ATP2C1: variants seen among roughly 807,000 people sequenced by gnomAD.
The protein encoded by ATP2C1 is calcium-transporting ATPase type 2C member 1.
A neutral mutation model predicts 120.5 loss-of-function variants in ATP2C1; 31 were observed. The ratio of observed to expected loss-of-function variants is 0.26; its 90% confidence interval spans 0.19 to 0.35. The LOEUF is 0.35. Among genes scored for constraint, ATP2C1 ranks in the 10% least tolerant of loss-of-function variants. ATP2C1 has a pLI of 1.00. For synonymous variants in ATP2C1, 351 were observed against 358.7 expected, an observed-to-expected ratio of 0.98 and a Z score of 0.24; for missense variants, 731 against 1,107.5, an observed-to-expected ratio of 0.66 and a Z score of 4.83.
chr3:130,940,744 A>G lies in ATP2C1; in HGVS notation c.422+53A>G. 3 of 1,288,206 alleles carry G rather than the reference A, an allele frequency of 2.3e-6. No homozygotes were observed. In the Admixed American group the frequency reaches 5.1e-5, roughly 22 times the overall value. 79.8% of individuals were successfully genotyped at this position (1,288,206 alleles called of 1,614,324 possible). On this transcript the variant is annotated intron_variant, in intron 7 of 27. Transcript: ENST00000510168. ...CTGCCCCTTTAAAAATAGAAGTTGA[A>G]TGTGACTAGTACCGTACATATTGTT... is the stretch of plus-strand genomic sequence containing the variant.
At chr3:130,859,742 T>C (rs1339679078) in intron 1 of ATP2C1, among the ~76,000 whole-genome samples, 1 of 152,132 alleles carries the variant, frequency 6.6e-6, no homozygotes, top group African/African-American at 2.4e-5. Flanking sequence ...AATCCCTTCA[T>C]TTACTTTAAA....
At chr3:130,927,504 G>T (rs1478833234) in intron 2 of ATP2C1, among the ~76,000 whole-genome samples, 4 of 152,132 alleles carry the variant, frequency 2.6e-5, no homozygotes, top group African/African-American at 9.7e-5. Flanking sequence ...GCCTCCCAAA[G>T]TGCTGGGATT....
intron 20 of ATP2C1, among the ~76,000 whole-genome samples, chr3:130,984,651 A>C (rs1452611183): frequency 6.6e-6 from 1 of 152,212 alleles, no homozygotes; most frequent in Non-Finnish European, 1.5e-5. Flanking sequence ...TGTAATCTCT[A>C]ATGTTGAAAT....
At chr3:130,955,140 T>G in intron 10 of ATP2C1, 60 bp downstream of exon 10, 1 of 1,137,060 alleles carries the variant, frequency 8.8e-7, no homozygotes, top group Non-Finnish European at 1.3e-6. Context: ...TCATTGTAAG[T>G]AGAGAATGTT....
chr3:130,900,216 C>G (rs2070037181), intron 2 of ATP2C1, among the ~76,000 whole-genome samples: 1 of 152,002 alleles, frequency 6.6e-6, no homozygotes, highest in African/African-American at 2.4e-5. Flanking sequence ...GCACACATCA[C>G]TATACCCAGC....
chr3:130,856,690 A>G (rs565150402), intron 1 of ATP2C1, among the ~76,000 whole-genome samples: 5 of 152,298 alleles, frequency 3.3e-5, no homozygotes, highest in African/African-American at 1.2e-4. Flanking sequence ...TTTTGGATAC[A>G]GACAAAGCTC....
chr3:130,904,021 G>A (rs1038653169), intron 2 of ATP2C1, among the ~76,000 whole-genome samples: 2 of 151,962 alleles, frequency 1.3e-5, no homozygotes, highest in Non-Finnish European at 1.5e-5. Flanking sequence ...GTAGTTAACT[G>A]TTGGATGCAA....
At chr3:130,941,353 TCAAA>T (rs1000993693) in intron 7 of ATP2C1, among the ~76,000 whole-genome samples, 2 of 152,056 alleles carry the variant, frequency 1.3e-5, no homozygotes, top group Non-Finnish European at 2.9e-5. Context: ...TGATTCACAA[TCAAA>T]CAGACCCAGG....
intron 1 of ATP2C1, among the ~76,000 whole-genome samples, chr3:130,860,511 G>A (rs977230890): frequency 2.0e-5 from 3 of 152,196 alleles, no homozygotes; most frequent in Non-Finnish European, 4.4e-5. Context: ...TTGACAAGGT[G>A]CTTTACGTAT....
chr3:131,000,205 G>A (rs852230), intron 27 of ATP2C1, among the ~76,000 whole-genome samples: 133,435 of 152,168 alleles, frequency 0.88, 59,141 homozygotes, highest in Non-Finnish European at 0.95. Flanking sequence ...TAGTTTTCCT[G>A]TGTAGGTGTG....
chr3:131,001,177 A>G (rs2062871398), intron 27 of ATP2C1, 43 bp from the exon 28 acceptor site: 2 of 1,531,850 alleles, frequency 1.3e-6, no homozygotes, highest in Middle Eastern at 1.7e-4. Context: ...TTGCAACTGT[A>G]AGTTTCAAAG....
At position 130,979,178 on chromosome 3, in the gene ATP2C1, T is replaced by G. The variant is rs79092362; in HGVS notation, c.1571-71T>G. The stretch of plus-strand genomic sequence containing the variant: ...AAGAAGTGTTACTGTCTCCAATTTC[T>G]ATCAACTAAATTCTGATGTTTTCAT... On this transcript the variant is annotated intron_variant, in intron 18 of 27. Coordinates refer to ENST00000510168, the MANE Select transcript of ATP2C1 (RefSeq NM_001378687.1). 2.0e-6 allele frequency: 3 copies of G among 1,467,326 alleles called. No individual in the cohort carries two copies. In the African/African-American group the frequency reaches 4.2e-5, roughly 20 times the overall value. The allele number at this position is 1,467,326 out of a possible 1,614,324, so 90.9% of individuals were successfully genotyped here.
intron 8 of ATP2C1, among the ~76,000 whole-genome samples, chr3:130,951,041 C>G (rs923656045): frequency 6.6e-5 from 10 of 152,130 alleles, no homozygotes; most frequent in African/African-American, 1.9e-4. Flanking sequence ...TAGTGGGTCT[C>G]TTTCCTAATT....
chr3:130,887,191 C>G (rs989093194), intron 1 of ATP2C1, among the ~76,000 whole-genome samples: 1 of 152,174 alleles, frequency 6.6e-6, no homozygotes, highest in Non-Finnish European at 1.5e-5. Context: ...AATGAAGTCT[C>G]TCTGTGCTGA....
In ATP2C1 at chr3:131,002,493, C is replaced by T. The variant is rs923092784; in HGVS notation, c.*1143C>T. The T allele has an allele frequency of 2.3e-5, 23 of 985,048 alleles. No homozygotes were observed. Among genetic ancestry groups the T allele is most frequent in the Non-Finnish European group, 2.8e-5 (23 of 829,878 alleles). The allele number at this position is 985,048 out of a possible 1,614,324, so 61.0% of individuals were successfully genotyped here. Reference sequence around the variant, plus strand: ...TTCTACTTTCATCATGTGTTCTGTACCTTCTTTTTGTTTCATTGGGCATGC... The same window carrying T: ...TTCTACTTTCATCATGTGTTCTGTATCTTCTTTTTGTTTCATTGGGCATGC... On this transcript the variant is annotated 3_prime_UTR_variant, in exon 28 of 28. Coordinates refer to ENST00000510168, the MANE Select transcript of ATP2C1 (RefSeq NM_001378687.1).
intron 1 of ATP2C1, among the ~76,000 whole-genome samples, chr3:130,880,606 C>A (rs1001537048): frequency 6.6e-6 from 1 of 152,198 alleles, no homozygotes; most frequent in Non-Finnish European, 1.5e-5. Flanking sequence ...GCTTGTGTTG[C>A]AAAAACTCTT....
chr3:130,995,352 T>C (rs1208476827), intron 22 of ATP2C1, among the ~76,000 whole-genome samples: 3 of 150,872 alleles, frequency 2.0e-5, no homozygotes, highest in Admixed American at 2.0e-4. Context: ...AGGTCGAGGC[T>C]GCAGGTAAGT....
chr3:130,877,292 A>G (rs920099430), intron 1 of ATP2C1, among the ~76,000 whole-genome samples: 10 of 152,190 alleles, frequency 6.6e-5, no homozygotes, highest in African/African-American at 2.2e-4. Context: ...GCCAGTCTTT[A>G]TCTTTCAATT....
In ATP2C1 at chr3:130,915,351, C is replaced by T. The variant is rs1576692771; in HGVS notation, c.7-15065C>T. Among the ~76,000 whole-genome samples the T allele has an allele frequency of 2.0e-5, 3 of 152,236 alleles. No homozygotes were observed. In the East Asian group the frequency reaches 5.8e-4, roughly 29 times the overall value. On this transcript the variant is annotated intron_variant, in intron 2 of 27. Transcript: ENST00000510168. ...TCAAGTGATCCACCCGCCTCAGACT[C>T]CCAAAATGCTGGAATTACAGGTATG...
Sources: gnomAD v4.1 joint callset for allele counts (sites outside exome capture counted in the v4.1 genomes callset) on GRCh38, gnomAD v4.1.1 for gene constraint, MANE v1.5 for transcripts, NCBI Gene and HGNC (gene_info 2026-07-23, HGNC 2026-07-21) for gene names.